PHACTR1: variants seen among roughly 807,000 people sequenced by gnomAD.
PHACTR1 encodes phosphatase and actin regulator 1.
Under a neutral mutation model 69.2 loss-of-function variants are expected in PHACTR1, and 16 were observed. The observed-to-expected ratio is 0.23, with a 90% CI of 0.16 to 0.35. The LOEUF (loss-of-function observed/expected upper bound fraction) is 0.35. Among genes scored for constraint, PHACTR1 ranks in the 10% least tolerant of loss-of-function variants. The pLI is 1.00. For missense variants in PHACTR1, 510 were observed against 734.7 expected, an observed-to-expected ratio of 0.69 and a Z score of 3.54; for synonymous variants, 312 against 284.5, an observed-to-expected ratio of 1.10 and a Z score of -0.97.
chr6:13,196,320 T>C (rs760429406), intron 7 of PHACTR1, among the ~76,000 whole-genome samples: 2 of 151,994 alleles, frequency 1.3e-5, no homozygotes, highest in African/African-American at 2.4e-5. Context: ...TCTTTAGAGG[T>C]AAAGAGACAA....
intron 4 of PHACTR1, among the ~76,000 whole-genome samples, chr6:12,976,813 C>G (rs1280853255): frequency 1.3e-5 from 2 of 152,112 alleles, no homozygotes; most frequent in Non-Finnish European, 2.9e-5. Flanking sequence ...TGTCACAGTG[C>G]TTGTGTTCAC....
intron 10 of PHACTR1, among the ~76,000 whole-genome samples, chr6:13,259,181 C>T (rs1775583372): frequency 6.6e-6 from 1 of 152,160 alleles, no homozygotes; most frequent in South Asian, 2.1e-4. Context: ...TAATTAACTA[C>T]CTTAATTTCT....
At chr6:13,003,973 A>G (rs1321588547) in intron 4 of PHACTR1, among the ~76,000 whole-genome samples, 5 of 130,044 alleles carry the variant, frequency 3.8e-5, no homozygotes, top group East Asian at 4.0e-4. Context: ...ATGTATATAT[A>G]TATATACACA....
chr6:13,110,555 C>T (rs567338932), intron 5 of PHACTR1, among the ~76,000 whole-genome samples: 136 of 152,274 alleles, frequency 8.9e-4, no homozygotes, highest in Non-Finnish European at 1.5e-3. Context: ...GCCGCTTTCT[C>T]CTCTCTAGTA....
At chr6:13,165,007 A>G (rs1266032446) in intron 6 of PHACTR1, among the ~76,000 whole-genome samples, 1 of 152,010 alleles carries the variant, frequency 6.6e-6, no homozygotes, top group Non-Finnish European at 1.5e-5. Flanking sequence ...CAATCCAGAG[A>G]TTTAGATAAA....
At chr6:13,029,010 G>T (rs185406845) in intron 4 of PHACTR1, among the ~76,000 whole-genome samples, 21 of 152,320 alleles carry the variant, frequency 1.4e-4, no homozygotes, top group Admixed American at 1.2e-3. Flanking sequence ...GATATTAGCA[G>T]TAATAACATT....
chr6:12,820,028 C>T (rs140875091), intron 4 of PHACTR1, among the ~76,000 whole-genome samples: 182 of 152,266 alleles, frequency 1.2e-3, no homozygotes, highest in African/African-American at 4.2e-3. Context: ...TTGATTCAAG[C>T]ATGGGAGAGA....
chr6:13,252,360 A>G (rs1774585364), intron 10 of PHACTR1, among the ~76,000 whole-genome samples: 1 of 151,594 alleles, frequency 6.6e-6, no homozygotes, highest in Admixed American at 6.6e-5. Flanking sequence ...GGAAAGAAAG[A>G]AAAGAAAAAA....
intron 10 of PHACTR1, among the ~76,000 whole-genome samples, chr6:13,237,128 G>C (rs542973271): frequency 6.6e-6 from 1 of 152,302 alleles, no homozygotes; most frequent in South Asian, 2.1e-4. Flanking sequence ...TATAATCCCA[G>C]CACTTTGGGG....
chr6:13,048,740 C>A (rs1368627159), intron 4 of PHACTR1, among the ~76,000 whole-genome samples: 1 of 152,216 alleles, frequency 6.6e-6, no homozygotes, highest in African/African-American at 2.4e-5. Flanking sequence ...CCATGTTGGC[C>A]AGGCTGGTCT....
At chr6:13,036,934 T>G (rs1583068819) in intron 4 of PHACTR1, among the ~76,000 whole-genome samples, 1 of 152,300 alleles carries the variant, frequency 6.6e-6, no homozygotes, top group East Asian at 1.9e-4. Context: ...ACTGGTTACT[T>G]CCTATGTGTC....
At chr6:12,890,897 G>GT (rs1265935642) in intron 4 of PHACTR1, among the ~76,000 whole-genome samples, 1 of 152,048 alleles carries the variant, frequency 6.6e-6, no homozygotes, top group African/African-American at 2.4e-5. Flanking sequence ...CCTCACTGAT[G>GT]TAAGTTTGAT....
At chr6:12,761,816 ACCTT>A (rs1017590359) in intron 4 of PHACTR1, among the ~76,000 whole-genome samples, 1 of 152,184 alleles carries the variant, frequency 6.6e-6, no homozygotes, top group African/African-American at 2.4e-5. Flanking sequence ...TTCAAGGCAA[ACCTT>A]CCTTTCTGAA....
chr6:13,056,271 A>G lies in PHACTR1; in HGVS notation c.415+2742A>G, dbSNP rs114769105. Among the ~76,000 whole-genome samples, 97 of 152,270 alleles carry G rather than the reference A, an allele frequency of 6.4e-4. 1 individual carries two copies. The highest frequency in any genetic ancestry group is 2.2e-3 in the African/African-American group (93 of 41,546). On this transcript the variant is annotated intron_variant, in intron 5 of 14. Transcript: ENST00000332995. ...AAACATAAAATTAACATGGGGACAC[A>G]TGTCTGTAGTCCCAGGTACTCAGGA...
At chr6:12,842,132 A>C (rs1778759875) in intron 4 of PHACTR1, among the ~76,000 whole-genome samples, 2 of 152,222 alleles carry the variant, frequency 1.3e-5, no homozygotes, top group African/African-American at 4.8e-5. Context: ...ATTGGAAAAA[A>C]ATCTATAAGG....
At position 13,230,155 on chromosome 6, in the gene PHACTR1, G is replaced by C; in HGVS notation, c.1353G>C (p.Arg451=). 6.2e-7 allele frequency: 1 copy of C among 1,611,132 alleles called. No individual in the cohort carries two copies. The change falls in exon 10 of 15, where the codon CGG becomes CGC. Residue 451 remains arginine (R), a synonymous_variant. Transcript: ENST00000332995. ...NILPRQTDEE[R]LELRQQIGTK... is the part of the protein sequence containing the mutation. ...TTCCCAGGCAGACGGATGAGGAGCG[G>C]CTGGAGCTGAGGCAACAGATTGGCA...
At chr6:12,904,534 C>CA (rs544410317) in intron 4 of PHACTR1, among the ~76,000 whole-genome samples, 953 of 79,932 alleles carry the variant, frequency 0.012, 3 homozygotes, top group Middle Eastern at 0.017. Flanking sequence ...AACTCCATCT[C>CA]AAAAAAAAAA....
intron 4 of PHACTR1, among the ~76,000 whole-genome samples, chr6:12,914,967 G>T (rs1028778069): frequency 3.9e-5 from 6 of 152,182 alleles, no homozygotes; most frequent in African/African-American, 1.4e-4. Context: ...GCAGGAACTG[G>T]CCCTCTGTGA....
chr6:13,078,392 T>C (rs1170287131), intron 5 of PHACTR1, among the ~76,000 whole-genome samples: 2 of 152,188 alleles, frequency 1.3e-5, no homozygotes, highest in African/African-American at 4.8e-5. Context: ...AACATGACCT[T>C]ATCTTAATCC....
Sources: gnomAD v4.1 joint callset for allele counts (sites outside exome capture counted in the v4.1 genomes callset) on GRCh38, gnomAD v4.1.1 for gene constraint, MANE v1.5 for transcripts, NCBI Gene and HGNC (gene_info 2026-07-23, HGNC 2026-07-21) for gene names.